ZSCAN4: variants seen among roughly 807,000 people sequenced by gnomAD.
ZSCAN4 encodes zinc finger and SCAN domain-containing protein 4.
Under a neutral mutation model 18.3 loss-of-function variants are expected in ZSCAN4, and 18 were observed. The ratio of observed to expected loss-of-function variants is 0.98; its 90% CI spans 0.68 to 1.46. The LOEUF (loss-of-function observed/expected upper bound fraction) is 1.46. ZSCAN4 is among the 40% of genes most tolerant of loss of function. The probability of loss-of-function intolerance (pLI) is 0.00; values close to 1 mark genes in which losing one functional copy is unlikely to be tolerated. For synonymous variants in ZSCAN4, 193 were observed against 180.3 expected, an observed-to-expected ratio of 1.07 and a Z score of -0.57; for missense variants, 498 against 511.4, an observed-to-expected ratio of 0.97 and a Z score of 0.25.
chr19:57,668,130 C>G (rs1451153890), upstream of ZSCAN4, among the ~76,000 whole-genome samples: 1 of 152,040 alleles, frequency 6.6e-6, no homozygotes, highest in African/African-American at 2.4e-5. Context: ...TCTCAAACTC[C>G]TGACCTCAGG....
the ZSCAN4 span, among the ~76,000 whole-genome samples, chr19:57,663,427 T>C: frequency 6.8e-6 from 1 of 146,342 alleles, no homozygotes; most frequent in African/African-American, 2.5e-5. Flanking sequence ...GGCTCACGCC[T>C]GTAATCCCAG....
the ZSCAN4 span, among the ~76,000 whole-genome samples, chr19:57,653,639 G>A: frequency 1.0e-3 from 156 of 152,186 alleles, 1 homozygote; most frequent in East Asian, 0.018. Context: ...AGGAAGAACC[G>A]AAAACCCAAA....
At chr19:57,669,927 G>A (rs1983968252) in intron 1 of ZSCAN4, among the ~76,000 whole-genome samples, 1 of 151,662 alleles carries the variant, frequency 6.6e-6, no homozygotes, top group Non-Finnish European at 1.5e-5. Flanking sequence ...GGGATTCACA[G>A]AGTCTTGCTC....
upstream of ZSCAN4, among the ~76,000 whole-genome samples, chr19:57,666,455 G>T (rs1983850102): frequency 6.6e-6 from 1 of 151,958 alleles, no homozygotes; most frequent in African/African-American, 2.4e-5. Context: ...CCCAGTCTTT[G>T]CGTTCATAAA....
chr19:57,675,215 T>A (rs1210648848), intron 2 of ZSCAN4, among the ~76,000 whole-genome samples: 1 of 149,118 alleles, frequency 6.7e-6, no homozygotes, highest in East Asian at 2.0e-4. Flanking sequence ...TGGCGCAATC[T>A]TGACTCACTG....
chr19:57,655,498 C>T, the ZSCAN4 span, among the ~76,000 whole-genome samples: 2 of 152,120 alleles, frequency 1.3e-5, no homozygotes, highest in Non-Finnish European at 2.9e-5. Flanking sequence ...TAAGGTTGGC[C>T]ACCCTGTTTA....
chr19:57,667,222 A>T (rs1369732249), upstream of ZSCAN4, among the ~76,000 whole-genome samples: 1 of 152,212 alleles, frequency 6.6e-6, no homozygotes, highest in African/African-American at 2.4e-5. Context: ...GGGTATCACC[A>T]GGTCATTTCC....
rs781035955 is a variant in ZSCAN4 at position 57,678,075 on chromosome 19, A to G, written c.558A>G (p.Gly186=). Residue 186 remains glycine (G), a synonymous_variant, in exon 4 of 5, where the codon GGA becomes GGG. Coordinates refer to ENST00000318203, the Ensembl canonical transcript of ZSCAN4. ...CCCAAGATACTTCCTTAGAAACAGG[A>G]CAAGGTAAGTCAGGTGAATCTGCAC... 2.5e-6 allele frequency: 4 copies of G among 1,583,278 alleles called. No individual in the cohort carries two copies. In the African/African-American group the frequency reaches 5.4e-5, roughly 21 times the overall value.
the ZSCAN4 span, among the ~76,000 whole-genome samples, chr19:57,662,080 C>A: frequency 1.6e-3 from 224 of 139,318 alleles, no homozygotes; most frequent in Admixed American, 1.8e-3. Flanking sequence ...GACTCTGTCT[C>A]AAAAAAAAAA....
At chr19:57,663,520 T>TAAAAAAAAAAAAAA in the ZSCAN4 span, among the ~76,000 whole-genome samples, 1 of 66,548 alleles carries the variant, frequency 1.5e-5, no homozygotes, top group African/African-American at 6.4e-5. Context: ...ACCATGTCTC[T>TAAAAAAAAAAAAAA]AAAAAAAAAA....
At chr19:57,677,109 G>A (rs1160096624) in intron 3 of ZSCAN4, among the ~76,000 whole-genome samples, 2 of 152,200 alleles carry the variant, frequency 1.3e-5, no homozygotes, top group Admixed American at 1.3e-4. Context: ...GGTTGAGGAA[G>A]AAATGTCTTG....
chr19:57,677,849 T>C lies in ZSCAN4; in HGVS notation c.397-65T>C, dbSNP rs889545839. On this transcript the variant is annotated intron_variant, in intron 3 of 4. Coordinates refer to ENST00000318203, the Ensembl canonical transcript of ZSCAN4. ...CTTGTGAGAGCCTGTTAAGGACCACTTTTCCAAAAAGTCTTCTGTTACACA... is the reference window on the plus strand; with the variant it reads ...CTTGTGAGAGCCTGTTAAGGACCACCTTTCCAAAAAGTCTTCTGTTACACA... 8.2e-6 allele frequency: 12 copies of C among 1,463,744 alleles called. No individual in the cohort carries two copies. The African/African-American group carries it at 1.3e-4, about 16-fold the overall frequency. 90.7% of individuals were successfully genotyped at this position (1,463,744 alleles called of 1,614,324 possible).
chr19:57,652,933 G>A, the ZSCAN4 span, among the ~76,000 whole-genome samples: 1 of 151,980 alleles, frequency 6.6e-6, no homozygotes, highest in Non-Finnish European at 1.5e-5. Context: ...TTACCCCTGA[G>A]GACAGGGGAC....
chr19:57,663,456 C>T, the ZSCAN4 span, among the ~76,000 whole-genome samples: 5 of 128,662 alleles, frequency 3.9e-5, no homozygotes, highest in Admixed American at 1.8e-4. Flanking sequence ...GAGGCCGAGG[C>T]GGGAGGATCA....
chr19:57,657,488 G>A, the ZSCAN4 span, among the ~76,000 whole-genome samples: 7 of 152,292 alleles, frequency 4.6e-5, no homozygotes, highest in Admixed American at 2.6e-4. Context: ...GCTGTTGAAG[G>A]TATGAAATAA....
chr19:57,662,574 T>A, the ZSCAN4 span, among the ~76,000 whole-genome samples: 1 of 152,180 alleles, frequency 6.6e-6, no homozygotes, highest in African/African-American at 2.4e-5. Context: ...TCTGTTTTTG[T>A]TTTTTGAGAG....
At chr19:57,663,413 G>A in the ZSCAN4 span, among the ~76,000 whole-genome samples, 4 of 149,412 alleles carry the variant, frequency 2.7e-5, no homozygotes, top group African/African-American at 7.4e-5. Flanking sequence ...GGCTGGGGGC[G>A]AGTGGCTCAC....
chr19:57,663,551 G>T, the ZSCAN4 span, among the ~76,000 whole-genome samples: 3 of 80,872 alleles, frequency 3.7e-5, no homozygotes, highest in Non-Finnish European at 5.3e-5. Flanking sequence ...AAAAAAATTA[G>T]CTGGGCGTGG....
the ZSCAN4 span, among the ~76,000 whole-genome samples, chr19:57,655,613 T>C: frequency 6.6e-6 from 1 of 152,020 alleles, no homozygotes; most frequent in African/African-American, 2.4e-5. Flanking sequence ...AACTCATGAG[T>C]CATTGCTCCC....
Sources: gnomAD v4.1 joint callset for allele counts (sites outside exome capture counted in the v4.1 genomes callset) on GRCh38, gnomAD v4.1.1 for gene constraint, MANE v1.5 for transcripts, NCBI Gene and HGNC (gene_info 2026-07-23, HGNC 2026-07-21) for gene names.